The following RBFOX1 variants were observed in gnomAD, a reference collection of about 807,000 sequenced individuals.
The protein encoded by RBFOX1 is RNA binding fox-1 homolog 1, also known as RNA binding protein fox-1 homolog 1.
A neutral mutation model predicts 57.7 loss-of-function variants in RBFOX1; 8 were observed. The observed-to-expected ratio is 0.14, with a 90% CI of 0.08 to 0.25. RBFOX1 has a LOEUF of 0.25. Ranked by LOEUF, RBFOX1 falls within the 10% of genes least tolerant of loss-of-function variation. The probability of loss-of-function intolerance (pLI) is 1.00; values close to 1 mark genes in which losing one functional copy is unlikely to be tolerated. For synonymous variants in RBFOX1, 326 were observed against 222.4 expected (o/e 1.47, Z -4.15); for missense variants, 611 against 548.5 (o/e 1.11, Z -1.14).
chr16:6,977,729 G>A (rs1448157260), intron 3 of RBFOX1, among the ~76,000 whole-genome samples: 1 of 151,998 alleles, frequency 6.6e-6, no homozygotes, highest in Admixed American at 6.6e-5. Flanking sequence ...TGTGGGTGGA[G>A]GAAGGCTGAA....
chr16:7,655,170 T>G (rs1288193573), intron 12 of RBFOX1, among the ~76,000 whole-genome samples: 1 of 152,234 alleles, frequency 6.6e-6, no homozygotes, highest in Admixed American at 6.5e-5. Context: ...CATTACATAT[T>G]CATTCTAAAC....
rs76169584 is a variant in RBFOX1, at chr16:6,497,060, C to T, written c.-63-157543C>T. On this transcript the variant is annotated intron_variant, in intron 2 of 15. Coordinates refer to ENST00000550418, the MANE Select transcript of RBFOX1 (RefSeq NM_018723.4). Reference sequence around the variant, plus strand: ...TGGCTTATATGAGGCTCTCAAACCTCTTAGGTAGCATAAGAAGTCATTGTC... The same window carrying T: ...TGGCTTATATGAGGCTCTCAAACCTTTTAGGTAGCATAAGAAGTCATTGTC... Among the ~76,000 whole-genome samples, 738 of 152,298 alleles carry T rather than the reference C, an allele frequency of 4.8e-3. 22 individuals are homozygous for T. In the East Asian group the frequency reaches 0.095, roughly 20 times the overall value.
chr16:7,018,512 A>T (rs190169733), intron 3 of RBFOX1, among the ~76,000 whole-genome samples: 1 of 152,140 alleles, frequency 6.6e-6, no homozygotes, highest in African/African-American at 2.4e-5. Flanking sequence ...TGTCTTTGCT[A>T]TTGTGATTAG....
chr16:5,301,632 A>AC (rs1555484659), intron 1 of RBFOX1, among the ~76,000 whole-genome samples: 12 of 150,642 alleles, frequency 8.0e-5, no homozygotes, highest in African/African-American at 2.7e-4. Context: ...AAAAAAAAAA[A>AC]AAAAAACACA....
chr16:5,779,485 A>T (rs904976153), intron 3 of RBFOX1, among the ~76,000 whole-genome samples: 1 of 152,128 alleles, frequency 6.6e-6, no homozygotes, highest in South Asian at 2.1e-4. Context: ...TGAGCCATTT[A>T]TCTCATGGTG....
intron 2 of RBFOX1, among the ~76,000 whole-genome samples, chr16:6,442,385 T>C (rs2094401530): frequency 2.0e-5 from 3 of 152,192 alleles, no homozygotes; most frequent in Admixed American, 2.0e-4. Flanking sequence ...GTGAAAATCC[T>C]GTCTCTACTG....
intron 3 of RBFOX1, among the ~76,000 whole-genome samples, chr16:6,819,264 C>A (rs554452978): frequency 1.3e-5 from 2 of 152,172 alleles, no homozygotes; most frequent in Non-Finnish European, 2.9e-5. Context: ...CTTTGTGTCT[C>A]CCAGTGGAAA....
chr16:7,078,704 A>G (rs145320162), intron 4 of RBFOX1, among the ~76,000 whole-genome samples: 3,357 of 143,934 alleles, frequency 0.023, 57 homozygotes, highest in Middle Eastern at 0.029. Flanking sequence ...TTTTTTTGAG[A>G]CAGGCTCTCG....
chr16:7,502,850 C>T (rs2071431319), intron 4 of RBFOX1, among the ~76,000 whole-genome samples: 1 of 151,950 alleles, frequency 6.6e-6, no homozygotes, highest in African/African-American at 2.4e-5. Context: ...TGGTGAAACT[C>T]CCTGTCTACT....
intron 3 of RBFOX1, among the ~76,000 whole-genome samples, chr16:6,787,239 A>T (rs192753944): frequency 2.6e-5 from 4 of 152,146 alleles, no homozygotes; most frequent in African/African-American, 9.7e-5. Context: ...AGCATTCTCT[A>T]TGCAGTTCCC....
intron 3 of RBFOX1, among the ~76,000 whole-genome samples, chr16:6,860,187 G>C (rs1782133865): frequency 6.6e-6 from 1 of 152,162 alleles, no homozygotes; most frequent in Non-Finnish European, 1.5e-5. Flanking sequence ...ATCTGCAATA[G>C]CGGAAATGAA....
Position 7,013,226 on chromosome 16 carries a change from T to C in RBFOX1, c.-15-38831T>C, listed in dbSNP as rs114779745. ...GCCATTTAGTTCTCTAAGCATCCTT[T>C]CTTTGGTGAAAAAATGCTTGTAGTC... On this transcript the variant is annotated intron_variant, in intron 3 of 15. Coordinates refer to ENST00000550418, the MANE Select transcript of RBFOX1 (RefSeq NM_018723.4). Among the ~76,000 whole-genome samples, 385 of 152,306 alleles carry C rather than the reference T, an allele frequency of 2.5e-3. 2 individuals are homozygous for C. The highest frequency in any genetic ancestry group is 8.8e-3 in the African/African-American group (364 of 41,572).
At chr16:6,840,117 T>A (rs1365925935) in intron 3 of RBFOX1, among the ~76,000 whole-genome samples, 1 of 152,188 alleles carries the variant, frequency 6.6e-6, no homozygotes, top group Non-Finnish European at 1.5e-5. Flanking sequence ...CTTGCTTGCT[T>A]CTTGGTGAGT....
chr16:6,693,838 A>G (rs542641788), intron 3 of RBFOX1, among the ~76,000 whole-genome samples: 26 of 152,344 alleles, frequency 1.7e-4, no homozygotes, highest in African/African-American at 5.8e-4. Context: ...CATCACCACC[A>G]TCATCCTTAT....
chr16:6,411,213 G>C (rs1385448089), intron 2 of RBFOX1, among the ~76,000 whole-genome samples: 1 of 152,052 alleles, frequency 6.6e-6, no homozygotes, highest in Non-Finnish European at 1.5e-5. Context: ...GAACCCCTGG[G>C]GCAAGCAGTT....
At chr16:5,695,424 C>A (rs1390073312) in intron 3 of RBFOX1, among the ~76,000 whole-genome samples, 1 of 152,148 alleles carries the variant, frequency 6.6e-6, no homozygotes, top group East Asian at 1.9e-4. Context: ...CTCTAAAAAA[C>A]CACTCTTTTG....
chr16:7,015,166 G>T (rs2093846431), intron 3 of RBFOX1, among the ~76,000 whole-genome samples: 1 of 152,170 alleles, frequency 6.6e-6, no homozygotes, highest in African/African-American at 2.4e-5. Context: ...GTCACTCTCA[G>T]TAGTCTGGAT....
intron 3 of RBFOX1, among the ~76,000 whole-genome samples, chr16:6,656,110 T>C (rs144717459): frequency 6.6e-6 from 1 of 152,298 alleles, no homozygotes; most frequent in East Asian, 1.9e-4. Flanking sequence ...CATGTGTGCA[T>C]TTAGTGAGTT....
intron 3 of RBFOX1, among the ~76,000 whole-genome samples, chr16:6,695,338 C>A (rs1035737530): frequency 2.8e-5 from 4 of 144,406 alleles, no homozygotes; most frequent in Admixed American, 1.4e-4. Context: ...ATCGCTTGAA[C>A]CCAACAGGTA....
Sources: allele counts gnomAD v4.1 joint callset (sites outside exome capture counted in the v4.1 genomes callset), GRCh38; gene constraint gnomAD v4.1.1; transcripts MANE v1.5; gene names NCBI Gene and HGNC (gene_info 2026-07-23, HGNC 2026-07-21).